The following LHPP variants were observed in gnomAD, a reference collection of about 807,000 sequenced individuals.
LHPP encodes the protein phospholysine phosphohistidine inorganic pyrophosphate phosphatase.
LHPP carries 24 observed loss-of-function variants against 30.3 expected under a neutral mutation model. The observed-to-expected ratio is 0.79, with a 90% CI of 0.57 to 1.11. The LOEUF is 1.11. LHPP is among the 50% of genes most tolerant of loss of function. LHPP has a pLI of 0.00. For synonymous variants in LHPP, 150 were observed against 157.1 expected, an observed-to-expected ratio of 0.95 and a Z score of 0.34; for missense variants, 356 against 367.2, an observed-to-expected ratio of 0.97 and a Z score of 0.25.
At chr10:124,564,187 G>A (rs1024561545) in intron 6 of LHPP, among the ~76,000 whole-genome samples, 5 of 151,552 alleles carry the variant, frequency 3.3e-5, no homozygotes, top group African/African-American at 1.2e-4. Flanking sequence ...GCAGTGGCGC[G>A]ATCTTGGCTC....
intron 6 of LHPP, among the ~76,000 whole-genome samples, chr10:124,582,778 G>A (rs1256289162): frequency 6.6e-6 from 1 of 152,074 alleles, no homozygotes; most frequent in Non-Finnish European, 1.5e-5. Context: ...GCCGAGGCAG[G>A]TGGATTGCTT....
rs1167742834 is a variant in LHPP, at chr10:124,613,411, C to T, written c.*51C>T. 1 of 1,316,240 alleles carries T rather than the reference C, an allele frequency of 7.6e-7. No homozygotes were observed. The highest frequency in any genetic ancestry group is 1.1e-6 in the Non-Finnish European group (1 of 925,748). 81.5% of individuals were successfully genotyped at this position (1,316,240 alleles called of 1,614,324 possible). ...CTCCACCCCTGCCTCTCCTCCACCCCTGCCTCCCCTCCACCCCTGCCTCTC... is the reference window on the plus strand; with the variant it reads ...CTCCACCCCTGCCTCTCCTCCACCCTTGCCTCCCCTCCACCCCTGCCTCTC... On this transcript the variant is annotated 3_prime_UTR_variant, in exon 7 of 7. Coordinates refer to ENST00000368842, the MANE Select transcript of LHPP (RefSeq NM_022126.4).
intron 5 of LHPP, among the ~76,000 whole-genome samples, chr10:124,514,228 G>A (rs1158616357): frequency 1.3e-5 from 2 of 152,202 alleles, no homozygotes; most frequent in Non-Finnish European, 2.9e-5. Context: ...CTGAAGGCCT[G>A]GGGGGAATTA....
In LHPP at chr10:124,610,350, AGGGTGCG is replaced by A. The variant is rs1564852688; in HGVS notation, c.717-2911_717-2905del. The stretch of plus-strand genomic sequence containing the variant: ...GGTGAGGGTGCTGATGGAGCGGGTG[AGGGTGCG>A]GGTGAGGGTGCTGGTGGAGCGGGTG... On this transcript the variant is annotated intron_variant, in intron 6 of 6. Transcript: ENST00000368842. Among the ~76,000 whole-genome samples, 8 of 135,208 alleles carry A rather than the reference AGGGTGCG, an allele frequency of 5.9e-5. 1 individual carries two copies. The highest frequency in any genetic ancestry group is 1.2e-4 in the African/African-American group (4 of 32,516). The allele number at this position is 135,208 out of a possible 152,430, so 88.7% of individuals were successfully genotyped here. A position where few individuals can be genotyped will look rare whatever the true frequency, so the allele number is the denominator to read the frequency against.
Position 124,613,327 on chromosome 10 carries a change from A to G in LHPP, c.780A>G (p.Ala260=). 1 of 1,613,262 alleles carries G rather than the reference A, an allele frequency of 6.2e-7. No homozygotes were observed. The highest frequency in any genetic ancestry group is 8.5e-7 in the Non-Finnish European group (1 of 1,179,916). ...GGTACGTGGACAACCTCGCAGAGGC[A>G]GTGGACCTGCTGCTGCAGCACGCCG... The part of the protein sequence containing the change: ...ADGYVDNLAE[A]VDLLLQHADK Residue 260 remains alanine (A), a synonymous_variant, in exon 7 of 7, where the codon GCA becomes GCG. Coordinates refer to ENST00000368842, the MANE Select transcript of LHPP (RefSeq NM_022126.4).
intron 6 of LHPP, among the ~76,000 whole-genome samples, chr10:124,539,185 G>T (rs565016709): frequency 6.6e-6 from 1 of 152,042 alleles, no homozygotes; most frequent in Non-Finnish European, 1.5e-5. Context: ...GACTCCCCTC[G>T]TCCTGAGCTC....
intron 6 of LHPP, among the ~76,000 whole-genome samples, chr10:124,530,537 C>T (rs1954871795): frequency 6.6e-6 from 1 of 151,994 alleles, no homozygotes; most frequent in Non-Finnish European, 1.5e-5. Context: ...TGCACACACA[C>T]ACACACACAC....
intron 1 of LHPP, among the ~76,000 whole-genome samples, chr10:124,474,997 T>G (rs551665170): frequency 6.7e-6 from 1 of 149,582 alleles, no homozygotes; most frequent in African/African-American, 2.5e-5. Flanking sequence ...GCCATTTATT[T>G]AGTATTTGAA....
At position 124,477,268 on chromosome 10, in the gene LHPP, CTT is replaced by C. The variant is rs1261781886; in HGVS notation, c.126-6868_126-6867del. On this transcript the variant is annotated intron_variant, in intron 1 of 6. Coordinates refer to ENST00000368842, the MANE Select transcript of LHPP (RefSeq NM_022126.4). Reference sequence around the variant, plus strand: ...TGGGGCTGGTGCTGCACCTGCATCTCTTTTCACTACAACCCCCGGGGAAGGGG... The same window carrying C: ...TGGGGCTGGTGCTGCACCTGCATCTCTTCACTACAACCCCCGGGGAAGGGG... Among the ~76,000 whole-genome samples the C allele has an allele frequency of 2.0e-5, 3 of 152,190 alleles. No individual in the cohort carries two copies. The East Asian group carries it at 5.8e-4, about 29-fold the overall frequency.
intron 5 of LHPP, among the ~76,000 whole-genome samples, chr10:124,501,354 C>G (rs549789057): frequency 3.3e-5 from 5 of 151,832 alleles, no homozygotes; most frequent in African/African-American, 1.2e-4. Context: ...GTAACCACAG[C>G]ACTTTGGGAG....
At chr10:124,516,995 G>C (rs1031746463) in intron 5 of LHPP, among the ~76,000 whole-genome samples, 185 bp from the exon 6 acceptor site, 3 of 152,176 alleles carry the variant, frequency 2.0e-5, no homozygotes, top group Non-Finnish European at 4.4e-5. Context: ...TACGGGGGCA[G>C]TGTGAGATAT....
rs981512776 is a variant in LHPP at position 124,496,757 on chromosome 10, C to T, written c.468-204C>T. Among the ~76,000 whole-genome samples the T allele has an allele frequency of 6.6e-6, 1 of 152,236 alleles. No homozygotes were observed. Among genetic ancestry groups the T allele is most frequent in the Non-Finnish European group, 1.5e-5 (1 of 68,040 alleles). On this transcript the variant is annotated intron_variant, in intron 3 of 6. Transcript: ENST00000368842. The surrounding 1 kb of genome is among the most constrained non-coding windows in gnomAD (Gnocchi z 4.3). ...CTGGAGCTGCTGGCTGCTGCGCTCG[C>T]CCCACTGGGTGTGGCGGCCTGCCGC...
intron 6 of LHPP, among the ~76,000 whole-genome samples, chr10:124,542,604 G>A (rs1416810351): frequency 1.3e-5 from 2 of 152,162 alleles, no homozygotes; most frequent in Non-Finnish European, 2.9e-5. Flanking sequence ...GGGGCAGGCT[G>A]GTACCAGCCT....
At chr10:124,540,397 AG>A (rs1023128140) in intron 6 of LHPP, among the ~76,000 whole-genome samples, 1 of 152,134 alleles carries the variant, frequency 6.6e-6, no homozygotes, top group Non-Finnish European at 1.5e-5. Context: ...GGCTAGGGCC[AG>A]GGGGGCTGCG....
intron 6 of LHPP, among the ~76,000 whole-genome samples, chr10:124,578,380 A>T (rs918967690): frequency 1.8e-4 from 27 of 152,172 alleles, no homozygotes; most frequent in Admixed American, 1.8e-3. Context: ...TCCTCTGCGG[A>T]GCCCGATGTG....
intron 6 of LHPP, among the ~76,000 whole-genome samples, chr10:124,585,042 C>G (rs965045920): frequency 7.2e-5 from 11 of 151,992 alleles, no homozygotes; most frequent in Non-Finnish European, 1.6e-4. Flanking sequence ...GGTCCCATCC[C>G]CAAGATATCT....
intron 4 of LHPP, among the ~76,000 whole-genome samples, 155 bp downstream of exon 4, chr10:124,497,179 G>C (rs934375841): frequency 6.7e-6 from 1 of 149,808 alleles, no homozygotes; most frequent in Non-Finnish European, 1.5e-5. Context: ...TCCCCTGGCC[G>C]GGCCCTCGGG....
chr10:124,479,933 C>T (rs948482507), intron 1 of LHPP, among the ~76,000 whole-genome samples: 2 of 152,106 alleles, frequency 1.3e-5, no homozygotes, highest in Admixed American at 6.5e-5. Flanking sequence ...CCAGTGGGTA[C>T]GACTTACTGA....
At chr10:124,587,530 C>T (rs555002558) in intron 6 of LHPP, among the ~76,000 whole-genome samples, 36 of 151,336 alleles carry the variant, frequency 2.4e-4, no homozygotes, top group African/African-American at 8.0e-4. Flanking sequence ...CACCTGAGGT[C>T]GAGAGTTTGA....
Sources: gnomAD v4.1 joint callset for allele counts (sites outside exome capture counted in the v4.1 genomes callset) on GRCh38, gnomAD v4.1.1 for gene constraint, Gnocchi (gnomAD v3.1) non-coding constraint, MANE v1.5 for transcripts, NCBI Gene and HGNC (gene_info 2026-07-23, HGNC 2026-07-21) for gene names.